The following XKR4 variants were observed in gnomAD, a reference collection of about 807,000 sequenced individuals.
XKR4 encodes XK-related protein 4.
XKR4 carries 12 observed loss-of-function variants against 53.9 expected under a neutral mutation model. The observed-to-expected ratio is 0.22, with a 90% confidence interval of 0.14 to 0.36. The LOEUF is 0.36. XKR4 is among the 10% of genes least tolerant of loss of function. XKR4 has a pLI of 1.00. For synonymous variants in XKR4, 354 were observed against 362.4 expected (o/e 0.98, Z 0.26); for missense variants, 799 against 859.5 (o/e 0.93, Z 0.88).
intron 1 of XKR4, among the ~76,000 whole-genome samples, chr8:55,125,333 CGATT>C (rs35868758): frequency 0.81 from 123,392 of 151,764 alleles, 50,328 homozygotes; most frequent in East Asian, 0.93. Context: ...TGGGTTCAAG[CGATT>C]GATTCTCCTG....
chr8:55,464,545 C>T (rs530517271), intron 2 of XKR4, among the ~76,000 whole-genome samples: 1 of 152,178 alleles, frequency 6.6e-6, no homozygotes, highest in East Asian at 1.9e-4. Flanking sequence ...AAACTGGAAG[C>T]ATTGAAACTT....
intron 1 of XKR4, among the ~76,000 whole-genome samples, chr8:55,345,534 A>G (rs576597285): frequency 2.2e-4 from 33 of 152,340 alleles, no homozygotes; most frequent in Admixed American, 4.6e-4. Context: ...GTGTATGCAG[A>G]GAAACCTAAA....
intron 1 of XKR4, among the ~76,000 whole-genome samples, chr8:55,294,009 T>G (rs1313198592): frequency 6.6e-6 from 1 of 152,232 alleles, no homozygotes; most frequent in Non-Finnish European, 1.5e-5. Context: ...ATTGAAATAC[T>G]TCACGCCCAA....
chr8:55,278,170 A>G (rs1563313802), intron 1 of XKR4, among the ~76,000 whole-genome samples: 1 of 152,076 alleles, frequency 6.6e-6, no homozygotes, highest in Non-Finnish European at 1.5e-5. Flanking sequence ...CCCTGTCCCT[A>G]CTAAAAATCG....
rs1052002792 is a variant in XKR4 at position 55,525,535 on chromosome 8, T to C, written c.*1308T>C. 1.3e-5 allele frequency: 2 copies of C among 152,614 alleles called. No homozygotes were observed. Among genetic ancestry groups the C allele is most frequent in the Non-Finnish European group, 2.9e-5 (2 of 68,040 alleles). The allele number at this position is 152,614 out of a possible 1,614,324, so 9.5% of individuals were successfully genotyped here. On this transcript the variant is annotated 3_prime_UTR_variant, in exon 3 of 3. Coordinates refer to ENST00000327381, the MANE Select transcript of XKR4 (RefSeq NM_052898.2). ...CCAGCTAAGATTTGTATTTGAATCA[T>C]CTGTAAAGTCGCACTCTTACAACAA... is the stretch of plus-strand genomic sequence containing the variant.
intron 2 of XKR4, among the ~76,000 whole-genome samples, chr8:55,421,944 C>A (rs555440924): frequency 2.0e-5 from 3 of 152,258 alleles, no homozygotes; most frequent in African/African-American, 7.2e-5. Context: ...CTCCTGGGAG[C>A]CATTTGTCTT....
chr8:55,176,768 T>C (rs1585921185), intron 1 of XKR4, among the ~76,000 whole-genome samples: 2 of 152,246 alleles, frequency 1.3e-5, no homozygotes, highest in East Asian at 3.9e-4. Context: ...AATTTTTTTC[T>C]CATACATAAA....
At chr8:55,227,943 G>A (rs1817979152) in intron 1 of XKR4, among the ~76,000 whole-genome samples, 2 of 152,160 alleles carry the variant, frequency 1.3e-5, no homozygotes, top group South Asian at 4.1e-4. Context: ...GTCTTGCTAT[G>A]TCATCCAGGA....
intron 1 of XKR4, among the ~76,000 whole-genome samples, chr8:55,142,576 G>A (rs1485727356): frequency 6.6e-6 from 1 of 152,180 alleles, no homozygotes. Context: ...CCATAGCTTA[G>A]ATTTGGAAAG....
intron 1 of XKR4, among the ~76,000 whole-genome samples, chr8:55,322,545 T>A (rs113586881): frequency 6.8e-4 from 104 of 152,360 alleles, no homozygotes; most frequent in African/African-American, 2.4e-3. Context: ...ATTTGCCTGA[T>A]ATTTTAAAAT....
At chr8:55,168,253 G>C (rs1817097671) in intron 1 of XKR4, among the ~76,000 whole-genome samples, 1 of 152,164 alleles carries the variant, frequency 6.6e-6, no homozygotes. Flanking sequence ...GAGTAGAAGA[G>C]CTGTTTCCAT....
intron 1 of XKR4, among the ~76,000 whole-genome samples, chr8:55,327,043 AAC>A (rs1020713063): frequency 6.6e-6 from 1 of 152,084 alleles, no homozygotes. Flanking sequence ...CAAGAGCAGA[AAC>A]ACAATCACTT....
intron 1 of XKR4, among the ~76,000 whole-genome samples, chr8:55,195,147 T>TTAAAATGAA (rs1817488131): frequency 6.0e-5 from 6 of 100,832 alleles, no homozygotes; most frequent in African/African-American, 1.0e-4. Context: ...CAAATAATTT[T>TTAAAATGAA]CACCGACAAG....
intron 1 of XKR4, among the ~76,000 whole-genome samples, chr8:55,172,136 C>T (rs141561990): frequency 1.4e-4 from 21 of 151,934 alleles, no homozygotes; most frequent in Non-Finnish European, 2.2e-4. Flanking sequence ...ATCACTTGAA[C>T]CCAGGTTGTC....
chr8:55,356,262 C>G (rs770734366), intron 1 of XKR4, among the ~76,000 whole-genome samples: 1 of 152,172 alleles, frequency 6.6e-6, no homozygotes, highest in Non-Finnish European at 1.5e-5. Flanking sequence ...TGATGTGCTT[C>G]CTGATGAAAG....
intron 1 of XKR4, among the ~76,000 whole-genome samples, chr8:55,198,836 C>A (rs1017827158): frequency 6.6e-6 from 1 of 152,188 alleles, no homozygotes; most frequent in Non-Finnish European, 1.5e-5. Context: ...CAAACACACA[C>A]TGACCCCCCA....
In XKR4 at chr8:55,452,828, G is replaced by C. The variant is rs998429583; in HGVS notation, c.1007-70453G>C. On this transcript the variant is annotated intron_variant, in intron 2 of 2. Transcript: ENST00000327381. ...CCAGGCTGTTGCTGGTGCTCTCCAG[G>C]TCACCCAGCTCCTGAAGCAGGCGGC... 19 of 769,772 alleles carry C rather than the reference G, an allele frequency of 2.5e-5. No individual in the cohort carries two copies. In the African/African-American group the frequency reaches 2.7e-4, roughly 11 times the overall value. The allele number at this position is 769,772 out of a possible 1,614,324, so 47.7% of individuals were successfully genotyped here.
intron 2 of XKR4, among the ~76,000 whole-genome samples, chr8:55,515,800 AGGGAGCAGTTGCCTAAAGAGG>A (rs1210521713): frequency 6.6e-6 from 1 of 152,204 alleles, no homozygotes; most frequent in African/African-American, 2.4e-5. Flanking sequence ...CAAACCTATT[AGGGAGCAGTTGCCTAAAGAGG>A]GGGCAAGAGT....
At chr8:55,451,239 C>G (rs1805437119) in intron 2 of XKR4, 1 of 572,420 alleles carries the variant, frequency 1.7e-6, no homozygotes, top group South Asian at 2.1e-5. Context: ...GGCACCAAGC[C>G]CACTGCTGCG....
Sources: allele counts gnomAD v4.1 joint callset (sites outside exome capture counted in the v4.1 genomes callset), GRCh38; gene constraint gnomAD v4.1.1; transcripts MANE v1.5; gene names NCBI Gene and HGNC (gene_info 2026-07-23, HGNC 2026-07-21).